The following SLC4A1 variants were observed in gnomAD, a reference collection of about 807,000 sequenced individuals.
The protein encoded by SLC4A1 is band 3 anion transport protein.
In SLC4A1, 29 loss-of-function variants were observed where a neutral mutation model predicts 93.1. The ratio of observed to expected loss-of-function variants is 0.31; its 90% CI spans 0.23 to 0.42. The LOEUF (loss-of-function observed/expected upper bound fraction) is 0.42, where lower values mean the gene tolerates loss of function less well. SLC4A1 is among the 20% of genes least tolerant of loss of function. The pLI is 1.00. For synonymous variants in SLC4A1, 469 were observed against 497.2 expected (o/e 0.94, Z 0.76); for missense variants, 965 against 1,190.1 (o/e 0.81, Z 2.78).
Position 44,255,223 on chromosome 17 carries a change from T to C in SLC4A1, c.1874A>G (p.Gln625Arg), listed in dbSNP as rs2047378298. 3.0e-5 allele frequency: 47 copies of C among 1,556,168 alleles called. No homozygotes were observed. Among genetic ancestry groups the C allele is most frequent in the Non-Finnish European group, 3.9e-5 (45 of 1,149,054 alleles). ...LIMVLVDFFI[Q>R]DTYTQKLSVP... ...AGGGGTCACCTGGGTGTAGGTATCC[T>C]GAATGAAGAAATCCACCAGGACCAT... The change falls in exon 15 of 20, where the codon CAG becomes CGG. Residue 625 changes from glutamine (Q) to arginine (R), a missense_variant. Physicochemically the swap from Gln to Arg is conservative, Grantham distance 43. Coordinates refer to ENST00000262418, the MANE Select transcript of SLC4A1 (RefSeq NM_000342.4).
intron 6 of SLC4A1, 111 bp downstream of exon 6, chr17:44,260,293 C>G: frequency 7.3e-7 from 1 of 1,378,466 alleles, no homozygotes. Context: ...AAAGTGGGCC[C>G]CTGCCTGGTG....
chr17:44,258,183 G>A lies in SLC4A1; in HGVS notation c.1088-3C>T, dbSNP rs1328805401. The stretch of plus-strand genomic sequence containing the variant: ...GTCATCTGGGCCCCCATTTAAGTCT[G>A]TGGTGGAGGATAAGAGCATGGTCAG... On this transcript the variant is annotated splice_polypyrimidine_tract_variant and splice_region_variant and intron_variant, in intron 10 of 19. Transcript: ENST00000262418. The surrounding 1 kb of genome is among the most constrained non-coding windows in gnomAD (Gnocchi z 6.1). 3 of 1,613,796 alleles carry A rather than the reference G, an allele frequency of 1.9e-6. No individual in the cohort carries two copies. The highest frequency in any genetic ancestry group is 2.2e-5 in the East Asian group (1 of 44,886).
rs2047337479 is a variant in SLC4A1 at position 44,251,327 on chromosome 17, C to T, written c.2487G>A (p.Lys829=). ...CCGTGAATAAGTGCATGCGCCAGGTCTTCACCTGCAGGCGGAGGCTGGGGT... is the reference window on the plus strand; with the variant it reads ...CCGTGAATAAGTGCATGCGCCAGGTTTTCACCTGCAGGCGGAGGCTGGGGT... ...HPDVPYVKRV[K]TWRMHLFTGI... The change falls in exon 19 of 20, where the codon AAG becomes AAA. Residue 829 remains lysine (K), a synonymous_variant. Coordinates refer to ENST00000262418, the MANE Select transcript of SLC4A1 (RefSeq NM_000342.4). The T allele has an allele frequency of 6.2e-7, 1 of 1,614,244 alleles. No individual in the cohort carries two copies. Among genetic ancestry groups the T allele is most frequent in the Non-Finnish European group, 8.5e-7 (1 of 1,180,056 alleles).
At position 44,252,294 on chromosome 17, in the gene SLC4A1, G is replaced by A. The variant is rs370789079; in HGVS notation, c.2312-706C>T. Among the ~76,000 whole-genome samples the A allele has an allele frequency of 9.9e-5, 15 of 152,040 alleles. No individual in the cohort carries two copies. In the East Asian group the frequency reaches 2.9e-3, roughly 29 times the overall value. On this transcript the variant is annotated intron_variant, in intron 17 of 19. Coordinates refer to ENST00000262418, the MANE Select transcript of SLC4A1 (RefSeq NM_000342.4). ...GACCCACCTGCCTCAGTCTCCCAAA[G>A]TGCTGGGATTACAGGCGTGAGCCAC...
chr17:44,258,151 G>T lies in SLC4A1; in HGVS notation c.1117C>A (p.Gln373Lys), dbSNP rs1472653057. ...CCCCCGAAGAGCTGGCCTGTCTGCT[G>T]CAGAGGGTCATCTGGGCCCCCATTT... ...DLNGGPDDPL[Q>K]QTGQLFGGLV... is the part of the protein sequence containing the mutation. Residue 373 changes from glutamine to lysine, a missense_variant, in exon 11 of 20, where the codon CAG becomes AAG. Transcript: ENST00000262418. The surrounding 1 kb of genome is among the most constrained non-coding windows in gnomAD (Gnocchi z 6.1). 4 of 1,613,994 alleles carry T rather than the reference G, an allele frequency of 2.5e-6. No homozygotes were observed. The East Asian group carries it at 8.9e-5, about 36-fold the overall frequency.
intron 1 of SLC4A1, among the ~76,000 whole-genome samples, chr17:44,264,470 C>A (rs946579861): frequency 6.6e-6 from 1 of 152,012 alleles, no homozygotes; most frequent in African/African-American, 2.4e-5. Flanking sequence ...GAAAACAAAA[C>A]AAAACAAAAA....
At chr17:44,254,752 A>T in intron 15 of SLC4A1, 90 bp from the exon 16 acceptor site, 1 of 1,263,268 alleles carries the variant, frequency 7.9e-7, no homozygotes, top group Middle Eastern at 2.0e-4. Context: ...GGGGTCGGGC[A>T]GTTAGGTTGG....
At chr17:44,253,051 G>A in intron 17 of SLC4A1, 67 bp downstream of exon 17, 1 of 1,557,938 alleles carries the variant, frequency 6.4e-7, no homozygotes, top group Non-Finnish European at 8.7e-7. Context: ...GAACAGAAAG[G>A]GGAAGGGGAA....
intron 15 of SLC4A1, 90 bp downstream of exon 15, chr17:44,255,117 G>A: frequency 1.1e-6 from 1 of 920,816 alleles, no homozygotes; most frequent in South Asian, 1.4e-5. Flanking sequence ...CTTCAGGTTG[G>A]GGAAAGCTAT....
intron 6 of SLC4A1, 57 bp downstream of exon 6, chr17:44,260,347 G>A (rs2047431725): frequency 1.3e-6 from 2 of 1,581,210 alleles, no homozygotes; most frequent in East Asian, 4.6e-5. Context: ...TGGGGCAAGT[G>A]GGCTGGGGAA....
chr17:44,257,723 G>A lies in SLC4A1; in HGVS notation c.1367C>T (p.Ala456Val). ...GAAGCCGACCACAAGCAGGGGCTGA[G>A]CCCCCAGCAGGGCGAAGAGAATGCC... The part of the protein sequence containing the change: ...VQGILFALLG[A>V]QPLLVVGFSG... The change falls in exon 12 of 20, where the codon GCT (alanine) becomes GTT (valine). Residue 456 changes from alanine to valine, a missense_variant. Around this residue, in one of 2 missense-constraint regions of SLC4A1, gnomAD observed 770 missense variants for 1,006.6 expected, o/e 0.76. Coordinates refer to ENST00000262418, the MANE Select transcript of SLC4A1 (RefSeq NM_000342.4). 1.2e-6 allele frequency: 2 copies of A among 1,614,038 alleles called. No individual in the cohort carries two copies. Among genetic ancestry groups the A allele is most frequent in the Non-Finnish European group, 1.7e-6 (2 of 1,180,008 alleles).
At chr17:44,267,342 G>A (rs12952862) in intron 1 of SLC4A1, among the ~76,000 whole-genome samples, 7,734 of 152,218 alleles carry the variant, frequency 0.051, 596 homozygotes, top group East Asian at 0.41. Flanking sequence ...TGATAATGAT[G>A]CCCATCTCAT....
At position 44,250,678 on chromosome 17, in the gene SLC4A1, A is replaced by G. The variant is rs959925441; in HGVS notation, c.2656-140T>C. On this transcript the variant is annotated intron_variant, in intron 19 of 19. Transcript: ENST00000262418. ...TGGACCAGTCCTGTTTTATCTCCCC[A>G]GCAGCTAGGACTGGCCTAAATGAGT... 4.3e-6 allele frequency: 3 copies of G among 699,950 alleles called. No individual in the cohort carries two copies. The African/African-American group carries it at 5.3e-5, about 12-fold the overall frequency. The allele number at this position is 699,950 out of a possible 1,614,324, so 43.4% of individuals were successfully genotyped here. A position where few individuals can be genotyped will look rare whatever the true frequency, so the allele number is the denominator to read the frequency against.
rs770393971 is a variant in SLC4A1 at position 44,251,210 on chromosome 17, C to T, written c.2604G>A (p.Pro868=). The part of the protein sequence containing the change: ...ALPFVLILTV[P]LRRVLLPLIF... ...TGAGCGGCAGCAGGACGCGCCGCAGCGGCACAGTGAGGATGAGGACGAAGG... is the reference window on the plus strand; with the variant it reads ...TGAGCGGCAGCAGGACGCGCCGCAGTGGCACAGTGAGGATGAGGACGAAGG... The change falls in exon 19 of 20, where the codon CCG becomes CCA. Residue 868 remains proline (P), a synonymous_variant. Transcript: ENST00000262418. The T allele has an allele frequency of 1.1e-5, 17 of 1,613,608 alleles. No homozygotes were observed. The highest frequency in any genetic ancestry group is 1.7e-4 in the Middle Eastern group (1 of 6,048).
In SLC4A1 at chr17:44,250,568, G is replaced by T. The variant is rs549891407; in HGVS notation, c.2656-30C>A. On this transcript the variant is annotated intron_variant, in intron 19 of 19. Transcript: ENST00000262418. ...AGGGGAGGGACAGGAGAGAGACAGGGTGAGAGACCCTGGGGCCAGAAGAGC... is the reference window on the plus strand; with the variant it reads ...AGGGGAGGGACAGGAGAGAGACAGGTTGAGAGACCCTGGGGCCAGAAGAGC... 2.7e-5 allele frequency: 43 copies of T among 1,585,916 alleles called. No homozygotes were observed. In the Admixed American group the frequency reaches 4.0e-4, roughly 15 times the overall value.
chr17:44,249,331 A>G lies in SLC4A1; in HGVS notation c.*1127T>C, dbSNP rs1013651513. 11 of 346,506 alleles carry G rather than the reference A, an allele frequency of 3.2e-5. No individual in the cohort carries two copies. The highest frequency in any genetic ancestry group is 1.2e-4 in the Admixed American group (3 of 24,778). The allele number at this position is 346,506 out of a possible 1,614,324, so 21.5% of individuals were successfully genotyped here. On this transcript the variant is annotated 3_prime_UTR_variant, in exon 20 of 20. Transcript: ENST00000262418. ...TGGTCAGATCTGGGTTCTCCCCAAGATTCAGTTTAGATGGAGTTGAGGATA... is the reference window on the plus strand; with the variant it reads ...TGGTCAGATCTGGGTTCTCCCCAAGGTTCAGTTTAGATGGAGTTGAGGATA...
rs1567836992 is a variant in SLC4A1, at chr17:44,263,713, C to CCTTT, written c.-68-780_-68-779insAAAG. Among the ~76,000 whole-genome samples the CCTTT allele has an allele frequency of 1.6e-3, 219 of 139,072 alleles. 4 individuals carry two copies. The highest frequency in any genetic ancestry group is 6.8e-3 in the African/African-American group (214 of 31,698). 91.2% of individuals were successfully genotyped at this position (139,072 alleles called of 152,430 possible). A position where few individuals can be genotyped will look rare whatever the true frequency, so the allele number is the denominator to read the frequency against. On this transcript the variant is annotated intron_variant, in intron 1 of 19. Coordinates refer to ENST00000262418, the MANE Select transcript of SLC4A1 (RefSeq NM_000342.4). ...CCCTCCTTCCCTCCCTTCCCTCCTT[C>CCTTT]CTTCCTTCCTTCCTTCCTTCCTTCC...
In SLC4A1 at chr17:44,260,777, C is replaced by G. The variant is rs267604902; in HGVS notation, c.207G>C (p.Lys69Asn). 1 of 1,613,740 alleles carries G rather than the reference C, an allele frequency of 6.2e-7. No homozygotes were observed. The highest frequency in any genetic ancestry group is 1.7e-5 in the Admixed American group (1 of 60,036). The change falls in exon 5 of 20, where the codon AAG becomes AAC. Residue 69 changes from lysine to asparagine, a missense_variant. By Grantham distance (94) the Lys-to-Asn change is moderately conservative. Transcript: ENST00000262418. The stretch of plus-strand genomic sequence containing the variant: ...CCTCCATCCATCTCAGCTCCTGGTT[C>G]TTTTCGTCCATCACCAGCTCCTGCA... ...VELQELVMDEKNQELRWMEAA... is the reference protein window; with the variant it reads ...VELQELVMDENNQELRWMEAA...
chr17:44,259,317 A>G lies in SLC4A1; in HGVS notation c.722T>C (p.Val241Ala), dbSNP rs2144617294. ...CTCCTGCAGCCTCACGAAGCCCAGC[A>G]CCGGCTGCTCCAGGAAGTCGGCGCG... ...VGRADFLEQP[V>A]LGFVRLQEAA... The change falls in exon 9 of 20, where the codon GTG (valine) becomes GCG (alanine). Residue 241 changes from valine to alanine, a missense_variant. Physicochemically the swap from Val to Ala is moderately conservative, Grantham distance 64. This residue lies in a region of SLC4A1 where 770 missense variants were observed against 1,006.6 expected (regional missense o/e 0.76). Transcript: ENST00000262418. 1 of 1,613,838 alleles carries G rather than the reference A, an allele frequency of 6.2e-7. No individual in the cohort carries two copies. Among genetic ancestry groups the G allele is most frequent in the East Asian group, 2.2e-5 (1 of 44,874 alleles).
Sources: allele counts gnomAD v4.1 joint callset (sites outside exome capture counted in the v4.1 genomes callset), GRCh38; gene constraint gnomAD v4.1.1; regional missense constraint gnomAD v4.1.1; non-coding constraint Gnocchi (gnomAD v3.1); transcripts MANE v1.5; gene names NCBI Gene and HGNC (gene_info 2026-07-23, HGNC 2026-07-21).